The following SCHIP1 variants were observed in gnomAD, a reference collection of about 807,000 sequenced individuals.
The protein encoded by SCHIP1 is schwannomin interacting protein 1.
A neutral mutation model predicts 29.7 loss-of-function variants in SCHIP1; 8 were observed. The ratio of observed to expected loss-of-function variants is 0.27; its 90% confidence interval spans 0.16 to 0.49. The LOEUF (loss-of-function observed/expected upper bound fraction) is 0.49, where lower values mean the gene tolerates loss of function less well. Among genes scored for constraint, SCHIP1 ranks in the 20% least tolerant of loss-of-function variants. The probability of loss-of-function intolerance (pLI) is 0.99; values close to 1 mark genes in which losing one functional copy is unlikely to be tolerated. For missense variants in SCHIP1, 193 were observed against 294.6 expected (o/e 0.66, Z 2.52); for synonymous variants, 76 against 94.9 (o/e 0.80, Z 1.16).
At chr3:159,771,720 A>G in the SCHIP1 span, among the ~76,000 whole-genome samples, 1 of 150,896 alleles carries the variant, frequency 6.6e-6, no homozygotes, top group Non-Finnish European at 1.5e-5. Flanking sequence ...ATTAGGTTGC[A>G]GGCAAACCAC....
At chr3:159,668,401 G>C in the SCHIP1 span, among the ~76,000 whole-genome samples, 1 of 140,452 alleles carries the variant, frequency 7.1e-6, no homozygotes, top group Admixed American at 6.9e-5. Flanking sequence ...AAAAAAGAGT[G>C]AGTCCCATGA....
chr3:159,704,417 T>TAAAAAAAAAA, the SCHIP1 span, among the ~76,000 whole-genome samples: 105 of 92,624 alleles, frequency 1.1e-3, 2 homozygotes, highest in African/African-American at 4.2e-3. Context: ...CAATTTTTTC[T>TAAAAAAAAAA]AAAAAAAAAA....
the SCHIP1 span, among the ~76,000 whole-genome samples, chr3:159,449,620 AAC>A: frequency 1.3e-5 from 2 of 152,218 alleles, no homozygotes; most frequent in East Asian, 1.9e-4. Flanking sequence ...TAAAATAATA[AAC>A]ACAGGGATAC....
the SCHIP1 span, among the ~76,000 whole-genome samples, chr3:159,596,262 C>A: frequency 0.042 from 6,454 of 152,162 alleles, 296 homozygotes; most frequent in African/African-American, 0.12. Context: ...ACATCTCACA[C>A]CAGTTAGAAT....
At chr3:159,549,047 C>G in the SCHIP1 span, among the ~76,000 whole-genome samples, 116 of 152,148 alleles carry the variant, frequency 7.6e-4, no homozygotes, top group African/African-American at 2.4e-3. Context: ...TTTAGCAGAC[C>G]TTTAGCTTAG....
chr3:159,729,558 G>A, the SCHIP1 span, among the ~76,000 whole-genome samples: 3 of 152,046 alleles, frequency 2.0e-5, no homozygotes, highest in Non-Finnish European at 4.4e-5. Context: ...AAACAAGTTA[G>A]AAAACATAAT....
the SCHIP1 span, among the ~76,000 whole-genome samples, chr3:159,737,269 T>C: frequency 1.3e-5 from 2 of 152,046 alleles, no homozygotes; most frequent in South Asian, 2.1e-4. Flanking sequence ...ATGCAGTGGC[T>C]CCCAAACTAG....
At chr3:159,710,470 C>G in the SCHIP1 span, among the ~76,000 whole-genome samples, 1 of 152,070 alleles carries the variant, frequency 6.6e-6, no homozygotes, top group Admixed American at 6.5e-5. Flanking sequence ...TTCTGATGAT[C>G]TATTGCACAA....
At chr3:159,456,812 G>A in the SCHIP1 span, among the ~76,000 whole-genome samples, 2 of 152,096 alleles carry the variant, frequency 1.3e-5, no homozygotes, top group African/African-American at 4.8e-5. Context: ...GTCACATGTA[G>A]TCACATACAC....
chr3:159,875,076 C>T (rs1715667692), intron 2 of SCHIP1, among the ~76,000 whole-genome samples: 1 of 149,682 alleles, frequency 6.7e-6, no homozygotes, highest in African/African-American at 2.5e-5. Context: ...GGATTGCTTC[C>T]AGTATTCAAA....
the SCHIP1 span, among the ~76,000 whole-genome samples, chr3:159,713,196 GAAAGAA>G: frequency 9.2e-6 from 1 of 109,208 alleles, no homozygotes; most frequent in Non-Finnish European, 1.8e-5. Flanking sequence ...GAAAGAAAGA[GAAAGAA>G]AGAAAGAGAG....
chr3:159,629,142 AAC>A, the SCHIP1 span, among the ~76,000 whole-genome samples: 14 of 150,364 alleles, frequency 9.3e-5, no homozygotes, highest in African/African-American at 9.7e-5. Context: ...GTTAAACAAA[AAC>A]ACACACACAC....
At chr3:159,713,211 A>G in the SCHIP1 span, among the ~76,000 whole-genome samples, 1 of 138,256 alleles carries the variant, frequency 7.2e-6, no homozygotes, top group East Asian at 2.0e-4. Context: ...AAAGAAAGAG[A>G]GAGAGAGAGA....
chr3:159,380,406 C>G, the SCHIP1 span, among the ~76,000 whole-genome samples: 6 of 152,148 alleles, frequency 3.9e-5, no homozygotes, highest in Admixed American at 1.3e-4. Context: ...ATAAGAGTCA[C>G]TAGTGATATG....
the SCHIP1 span, among the ~76,000 whole-genome samples, chr3:159,625,380 C>G: frequency 6.6e-6 from 1 of 152,150 alleles, no homozygotes; most frequent in Non-Finnish European, 1.5e-5. Context: ...CTCTTTTGGT[C>G]TGAGAGTCAC....
the SCHIP1 span, among the ~76,000 whole-genome samples, chr3:159,504,281 G>A: frequency 3.3e-5 from 5 of 152,152 alleles, no homozygotes; most frequent in Non-Finnish European, 7.3e-5. Flanking sequence ...GATGTAAGGA[G>A]CTAACCAGAA....
the SCHIP1 span, among the ~76,000 whole-genome samples, chr3:159,344,419 T>C: frequency 6.6e-6 from 1 of 151,822 alleles, no homozygotes; most frequent in Non-Finnish European, 1.5e-5. Flanking sequence ...TGACAAACAC[T>C]ACCTCAACTA....
chr3:159,447,284 G>A, the SCHIP1 span, among the ~76,000 whole-genome samples: 364 of 152,218 alleles, frequency 2.4e-3, 4 homozygotes, highest in Non-Finnish European at 3.8e-3. Context: ...GCTCTTGATA[G>A]CAGGATTCAG....
chr3:159,382,472 G>A, the SCHIP1 span, among the ~76,000 whole-genome samples: 3 of 151,720 alleles, frequency 2.0e-5, no homozygotes, highest in Non-Finnish European at 4.4e-5. Context: ...ATTCCATGGT[G>A]TATATGTGCC....
Sources: allele counts gnomAD v4.1 joint callset (sites outside exome capture counted in the v4.1 genomes callset), GRCh38; gene constraint gnomAD v4.1.1; transcripts MANE v1.5; gene names NCBI Gene and HGNC (gene_info 2026-07-23, HGNC 2026-07-21).